Variants in CDH18 observed in about 807,000 individuals in gnomAD.
CDH18 encodes cadherin 18.
In CDH18, 31 loss-of-function variants were observed where a neutral mutation model predicts 67.9. That is an observed-to-expected ratio of 0.46 (90% confidence interval 0.34 to 0.62). CDH18 has a LOEUF of 0.62. Ranked by LOEUF, CDH18 falls within the 20% of genes least tolerant of loss-of-function variation. The pLI, the probability that CDH18 is intolerant of heterozygous loss-of-function variation, is 0.01. For missense variants in CDH18, 890 were observed against 975.5 expected, an observed-to-expected ratio of 0.91 and a Z score of 1.17; for synonymous variants, 362 against 347.2, an observed-to-expected ratio of 1.04 and a Z score of -0.48.
chr5:20,521,913 A>G (rs1416793347), intron 1 of CDH18, among the ~76,000 whole-genome samples: 1 of 152,198 alleles, frequency 6.6e-6, no homozygotes, highest in Non-Finnish European at 1.5e-5. Context: ...CGAATATTTC[A>G]TACATTGAAT....
intron 2 of CDH18, among the ~76,000 whole-genome samples, chr5:19,937,820 A>AT (rs1256886604): frequency 6.6e-6 from 1 of 151,180 alleles, no homozygotes; most frequent in Non-Finnish European, 1.5e-5. Flanking sequence ...ATTTTTAGAA[A>AT]TTAAATAAGT....
At chr5:20,451,998 A>G (rs892507454) in intron 1 of CDH18, among the ~76,000 whole-genome samples, 1 of 152,106 alleles carries the variant, frequency 6.6e-6, no homozygotes, top group African/African-American at 2.4e-5. Context: ...ATGTAAAGAA[A>G]TTTATATACT....
intron 3 of CDH18, among the ~76,000 whole-genome samples, chr5:19,799,915 G>A (rs1777277229): frequency 6.6e-6 from 1 of 152,014 alleles, no homozygotes. Flanking sequence ...CAGTTTTTCT[G>A]TTCAAGATGG....
At chr5:19,885,873 T>C (rs1372377702) in intron 2 of CDH18, among the ~76,000 whole-genome samples, 1 of 152,190 alleles carries the variant, frequency 6.6e-6, no homozygotes, top group Non-Finnish European at 1.5e-5. Flanking sequence ...TTACAATTTC[T>C]TAGTTTTAAT....
chr5:20,197,215 T>C (rs186096536), intron 2 of CDH18, among the ~76,000 whole-genome samples: 203 of 152,244 alleles, frequency 1.3e-3, no homozygotes, highest in Admixed American at 2.1e-3. Flanking sequence ...TTTCACCATG[T>C]TCCCCAGGCT....
intron 2 of CDH18, among the ~76,000 whole-genome samples, chr5:20,090,614 G>C (rs1745333886): frequency 6.6e-6 from 1 of 151,896 alleles, no homozygotes; most frequent in African/African-American, 2.4e-5. Flanking sequence ...CTCTTGATTG[G>C]AAACAAATAT....
At chr5:20,179,700 T>C (rs751049864) in intron 2 of CDH18, among the ~76,000 whole-genome samples, 11 of 152,104 alleles carry the variant, frequency 7.2e-5, no homozygotes, top group Non-Finnish European at 1.5e-4. Flanking sequence ...AAGTAAAAGT[T>C]TGATGCAATC....
chr5:20,551,894 CT>C (rs1453597779), intron 1 of CDH18, among the ~76,000 whole-genome samples: 2 of 152,022 alleles, frequency 1.3e-5, no homozygotes, highest in Non-Finnish European at 2.9e-5. Context: ...TAATCTATAT[CT>C]CTTTAATCTG....
At chr5:19,480,459 G>A (rs1158345410) in intron 12 of CDH18, among the ~76,000 whole-genome samples, 2 of 151,298 alleles carry the variant, frequency 1.3e-5, no homozygotes, top group Admixed American at 1.3e-4. Context: ...TCCACTGCAA[G>A]CTCCGCCTCC....
chr5:19,660,667 C>T (rs1232531296), intron 5 of CDH18, among the ~76,000 whole-genome samples: 2 of 152,024 alleles, frequency 1.3e-5, no homozygotes, highest in East Asian at 1.9e-4. Context: ...CTTAAAGAAT[C>T]GTAGGGAAAA....
chr5:20,303,562 C>G (rs1186632354), intron 1 of CDH18, among the ~76,000 whole-genome samples: 1 of 152,106 alleles, frequency 6.6e-6, no homozygotes, highest in Non-Finnish European at 1.5e-5. Flanking sequence ...CCTGTCACAG[C>G]GTCGCAGCCC....
intron 1 of CDH18, among the ~76,000 whole-genome samples, chr5:20,364,571 T>C (rs1395398656): frequency 6.6e-6 from 1 of 152,190 alleles, no homozygotes; most frequent in Non-Finnish European, 1.5e-5. Context: ...AATTCAATTA[T>C]ATTCAATTCA....
At position 20,534,135 on chromosome 5, in the gene CDH18, A is replaced by G. The variant is rs1016303599; in HGVS notation, c.-580+41327T>C. 2.6e-5 allele frequency among the ~76,000 whole-genome samples: 4 copies of G among 152,072 alleles called. 1 individual carries two copies. The East Asian group carries it at 5.8e-4, about 22-fold the overall frequency. The stretch of plus-strand genomic sequence containing the variant: ...TTGATTCATCTCTCCTTGTTTGCCA[A>G]AATTGCAGATCACACATTTGCAAAT... On this transcript the variant is annotated intron_variant, in intron 1 of 14. Transcript: ENST00000507958.
At chr5:19,564,501 A>G (rs376434004) in intron 8 of CDH18, among the ~76,000 whole-genome samples, 7 of 152,284 alleles carry the variant, frequency 4.6e-5, no homozygotes, top group African/African-American at 1.7e-4. Flanking sequence ...GGAAGAACCC[A>G]GTCCTGGTGG....
intron 5 of CDH18, among the ~76,000 whole-genome samples, chr5:19,613,712 GT>G (rs1397931107): frequency 1.3e-5 from 2 of 152,022 alleles, no homozygotes; most frequent in South Asian, 2.1e-4. Flanking sequence ...ACGTTTTAAA[GT>G]TAAAAACGCA....
intron 10 of CDH18, among the ~76,000 whole-genome samples, chr5:19,518,966 G>A (rs1433194654): frequency 6.6e-6 from 1 of 152,122 alleles, no homozygotes; most frequent in African/African-American, 2.4e-5. Flanking sequence ...AAATAGCTGG[G>A]TTTCAGGCAA....
intron 2 of CDH18, among the ~76,000 whole-genome samples, chr5:20,001,945 C>T (rs1215908381): frequency 6.6e-6 from 1 of 152,184 alleles, no homozygotes; most frequent in Non-Finnish European, 1.5e-5. Context: ...CAAAGTGGCA[C>T]TGTCATTGTC....
chr5:19,941,066 C>T (rs1794761230), intron 2 of CDH18, among the ~76,000 whole-genome samples: 1 of 151,898 alleles, frequency 6.6e-6, no homozygotes, highest in Non-Finnish European at 1.5e-5. Context: ...AAACCTAATC[C>T]CCAATATGAT....
At chr5:19,880,803 A>G (rs1308881654) in intron 2 of CDH18, among the ~76,000 whole-genome samples, 1 of 152,208 alleles carries the variant, frequency 6.6e-6, no homozygotes. Flanking sequence ...TTGTATGCTC[A>G]TAGAGAAACA....
Sources: allele counts gnomAD v4.1 joint callset (sites outside exome capture counted in the v4.1 genomes callset), GRCh38; gene constraint gnomAD v4.1.1; transcripts MANE v1.5; gene names NCBI Gene and HGNC (gene_info 2026-07-23, HGNC 2026-07-21).